Variants in BRAF observed in about 807,000 individuals in gnomAD.
BRAF encodes the protein serine/threonine-protein kinase B-raf.
A neutral mutation model predicts 104.6 loss-of-function variants in BRAF; 16 were observed. The ratio of observed to expected loss-of-function variants is 0.15; its 90% CI spans 0.10 to 0.23. The LOEUF is 0.23. BRAF is among the 10% of genes least tolerant of loss of function. The pLI, the probability that BRAF is intolerant of heterozygous loss-of-function variation, is 1.00. For synonymous variants in BRAF, 310 were observed against 341.6 expected (o/e 0.91, Z 1.02); for missense variants, 541 against 937.3 (o/e 0.58, Z 5.52).
At chr7:140,858,426 C>T (rs969678258) in intron 1 of BRAF, among the ~76,000 whole-genome samples, 2 of 152,338 alleles carry the variant, frequency 1.3e-5, no homozygotes, top group Admixed American at 1.3e-4. Flanking sequence ...CATTTTTCTT[C>T]TCTTTGAAAG....
intron 1 of BRAF, chr7:140,884,023 A>G (rs1284051073): frequency 1.3e-5 from 2 of 152,286 alleles, no homozygotes; most frequent in African/African-American, 4.8e-5. Context: ...CCAAACCACA[A>G]ATCAAAGAAA....
At chr7:140,876,483 T>C (rs943301100) in intron 1 of BRAF, among the ~76,000 whole-genome samples, 3 of 152,186 alleles carry the variant, frequency 2.0e-5, no homozygotes, top group African/African-American at 7.2e-5. Context: ...CAAAATTACA[T>C]TAAATGTGAA....
At chr7:140,733,594 C>T (rs889448588) in intron 19 of BRAF, 1 of 152,156 alleles carries the variant, frequency 6.6e-6, no homozygotes, top group African/African-American at 2.4e-5. Flanking sequence ...ATTCATTCAT[C>T]ATAAGTAGAA....
chr7:140,895,346 G>A (rs1814761068), intron 1 of BRAF, among the ~76,000 whole-genome samples: 1 of 152,034 alleles, frequency 6.6e-6, no homozygotes, highest in Non-Finnish European at 1.5e-5. Context: ...CTTCATATAG[G>A]GTATCTATAA....
chr7:140,747,267 T>A (rs1797429834), intron 17 of BRAF: 3 of 489,672 alleles, frequency 6.1e-6, no homozygotes, highest in Non-Finnish European at 8.5e-6. Context: ...TTCTTTTACC[T>A]CCTTCTTCTC....
At position 140,723,374 on chromosome 7, in the gene BRAF, A is replaced by G. The variant is rs1269646601; in HGVS notation, c.*3120T>C. On this transcript the variant is annotated 3_prime_UTR_variant, in exon 20 of 20. Transcript: ENST00000644969. ...TTTCTTCTCCAACACCAACATAAAT[A>G]TAGCATATATCATTTGTATGGGATT... 1 of 1,054,778 alleles carries G rather than the reference A, an allele frequency of 9.5e-7. No homozygotes were observed. The highest frequency in any genetic ancestry group is 1.1e-6 in the Non-Finnish European group (1 of 872,856). 65.3% of individuals were successfully genotyped at this position (1,054,778 alleles called of 1,614,324 possible).
chr7:140,740,927 C>A (rs1796866260), intron 17 of BRAF: 1 of 152,140 alleles, frequency 6.6e-6, no homozygotes, highest in African/African-American at 2.4e-5. Context: ...TTTCACAATG[C>A]CCCCTACTGA....
In BRAF at chr7:140,723,226, G is replaced by C. The variant is rs751087660; in HGVS notation, c.*3268C>G. ...TGCAGCAGCTCGCACTCCGCCTGGT[G>C]AATACAAGGTAACATCCTGTGATGA... is the stretch of plus-strand genomic sequence containing the variant. On this transcript the variant is annotated 3_prime_UTR_variant, in exon 20 of 20. Transcript: ENST00000644969. 8.6e-5 allele frequency: 91 copies of C among 1,054,640 alleles called. No homozygotes were observed. The highest frequency in any genetic ancestry group is 3.0e-5 in the Non-Finnish European group (26 of 872,764). The allele number at this position is 1,054,640 out of a possible 1,614,324, so 65.3% of individuals were successfully genotyped here.
At chr7:140,797,248 A>T (rs1802586947) in intron 7 of BRAF, among the ~76,000 whole-genome samples, 1 of 152,204 alleles carries the variant, frequency 6.6e-6, no homozygotes, top group Non-Finnish European at 1.5e-5. Flanking sequence ...AAAAGTTTTG[A>T]AAACTTTGGT....
At chr7:140,829,766 A>T (rs1204424423) in intron 3 of BRAF, among the ~76,000 whole-genome samples, 2 of 152,204 alleles carry the variant, frequency 1.3e-5, no homozygotes, top group Non-Finnish European at 2.9e-5. Flanking sequence ...TACAGCAAGT[A>T]TCCAGGTCAA....
chr7:140,858,134 C>T (rs1274207055), intron 1 of BRAF, among the ~76,000 whole-genome samples: 1 of 152,090 alleles, frequency 6.6e-6, no homozygotes, highest in Middle Eastern at 3.2e-3. Context: ...GAACAGGATA[C>T]TTACATAGTG....
rs1177553423 is a variant in BRAF, at chr7:140,897,493, CTTTTTTTT to C, written c.138+27065_138+27072del. On this transcript the variant is annotated intron_variant, in intron 1 of 19. Coordinates refer to ENST00000644969, the MANE Select transcript of BRAF (RefSeq NM_001374258.1). ...TCTGGATAGGAAAGATTTCTTTTTTCTTTTTTTTTTTTTTTTTTTTTGAGACAGAGTCT... is the reference window on the plus strand; with the variant it reads ...TCTGGATAGGAAAGATTTCTTTTTTCTTTTTTTTTTTTTGAGACAGAGTCT... Among the ~76,000 whole-genome samples, 29 of 105,724 alleles carry C rather than the reference CTTTTTTTT, an allele frequency of 2.7e-4. 1 individual carries two copies. Among genetic ancestry groups the C allele is most frequent in the Middle Eastern group, 5.9e-3 (1 of 170 alleles). 69.4% of individuals were successfully genotyped at this position (105,724 alleles called of 152,430 possible).
intron 3 of BRAF, among the ~76,000 whole-genome samples, chr7:140,824,616 C>T (rs918366238): frequency 2.0e-5 from 3 of 149,196 alleles, no homozygotes; most frequent in African/African-American, 7.5e-5. Context: ...CCTTGAGATA[C>T]GGTATGAATT....
intron 1 of BRAF, among the ~76,000 whole-genome samples, chr7:140,920,940 GTTATGATGCAATCCAACC>G (rs1483398684): frequency 3.9e-5 from 6 of 152,238 alleles, no homozygotes; most frequent in African/African-American, 1.4e-4. Flanking sequence ...ACTTTTCAGG[GTTATGATGCAATCCAACC>G]TGGTGTGGCT....
chr7:140,882,319 T>A lies in BRAF; in HGVS notation c.139-32107A>T, dbSNP rs1301601614. The stretch of plus-strand genomic sequence containing the variant: ...GTCACTTTAGCCAACTTTGAGTTCA[T>A]CTCAAATGAGAAATAAAATGAGAAA... On this transcript the variant is annotated intron_variant, in intron 1 of 19. Transcript: ENST00000644969. 1.3e-5 allele frequency among the ~76,000 whole-genome samples: 2 copies of A among 151,330 alleles called. 1 individual carries two copies. The highest frequency in any genetic ancestry group is 3.0e-5 in the Non-Finnish European group (2 of 67,794).
In BRAF at chr7:140,818,851, A is replaced by G. The variant is rs1805168912; in HGVS notation, c.505-9856T>C. Among the ~76,000 whole-genome samples, 3 of 152,318 alleles carry G rather than the reference A, an allele frequency of 2.0e-5. No individual in the cohort carries two copies. The South Asian group carries it at 6.2e-4, about 32-fold the overall frequency. ...ACTTAGTCTACCTTATTTTGAAGAT[A>G]GCTTATCTAGTCTACCTTATACTGA... On this transcript the variant is annotated intron_variant, in intron 3 of 19. Transcript: ENST00000644969.
At chr7:140,849,834 T>A (rs1808967696) in intron 2 of BRAF, among the ~76,000 whole-genome samples, 1 of 151,512 alleles carries the variant, frequency 6.6e-6, no homozygotes. Context: ...ATAAATAAAA[T>A]AAAAATAAAA....
At chr7:140,817,568 A>G (rs1039406162) in intron 3 of BRAF, among the ~76,000 whole-genome samples, 9 of 152,220 alleles carry the variant, frequency 5.9e-5, no homozygotes, top group Non-Finnish European at 1.2e-4. Flanking sequence ...AGTAACCAAA[A>G]CAGCATGGTA....
intron 4 of BRAF, 86 bp from the exon 5 acceptor site, chr7:140,808,148 T>A (rs1249884857): frequency 9.5e-6 from 10 of 1,054,074 alleles, no homozygotes; most frequent in Non-Finnish European, 1.3e-5. Context: ...AAATTGGTTA[T>A]CGAGGGGCTA....
Sources: gnomAD v4.1 joint callset for allele counts (sites outside exome capture counted in the v4.1 genomes callset) on GRCh38, gnomAD v4.1.1 for gene constraint, MANE v1.5 for transcripts, NCBI Gene and HGNC (gene_info 2026-07-23, HGNC 2026-07-21) for gene names.